The following NEB variants were observed in gnomAD, a reference collection of about 807,000 sequenced individuals.
The protein encoded by NEB is nemaline myopathy type 2.
A neutral mutation model predicts 952.2 loss-of-function variants in NEB; 512 were observed. The observed-to-expected ratio is 0.54, with a 90% confidence interval of 0.50 to 0.58. The LOEUF is 0.58. Ranked by LOEUF, NEB falls within the 20% of genes least tolerant of loss-of-function variation. The pLI is 0.00. For synonymous variants in NEB, 2,900 were observed against 3,149.8 expected (o/e 0.92, Z 2.66); for missense variants, 8,428 against 9,231.1 (o/e 0.91, Z 3.56).
chr2:151,531,658 G>A, intron 144 of NEB, 134 bp downstream of exon 144: 1 of 707,490 alleles, frequency 1.4e-6, no homozygotes, highest in East Asian at 2.7e-5. Flanking sequence ...GTGCATAACA[G>A]GACATCTCGC....
Position 151,733,172 on chromosome 2 carries a change from G to A in NEB, c.-16C>T. The A allele has an allele frequency of 6.2e-7, 1 of 1,601,374 alleles. No individual in the cohort carries two copies. Among genetic ancestry groups the A allele is most frequent in the South Asian group, 1.1e-5 (1 of 88,806 alleles). ...CATCTGCCATTTTTCCAGAGTAGTA[G>A]TGGCACCTACAAACTTTTCATATTC... On this transcript the variant is annotated 5_prime_UTR_variant, in exon 3 of 182. Transcript: ENST00000397345.
In NEB at chr2:151,722,234, G is replaced by A. The variant is rs555335217; in HGVS notation, c.717+1148C>T. Among the ~76,000 whole-genome samples the A allele has an allele frequency of 7.4e-4, 112 of 152,290 alleles. 1 individual carries two copies. Among genetic ancestry groups the A allele is most frequent in the African/African-American group, 2.6e-3 (110 of 41,560 alleles). On this transcript the variant is annotated intron_variant, in intron 9 of 181. Transcript: ENST00000397345. Reference sequence around the variant, plus strand: ...CAGTGCTCTGCTGAAGACTGGAGTAGCAGTCTGGATTTTCAATATGGCCTC... The same window carrying A: ...CAGTGCTCTGCTGAAGACTGGAGTAACAGTCTGGATTTTCAATATGGCCTC...
At chr2:151,511,789 C>G (rs1435364943) in intron 161 of NEB, among the ~76,000 whole-genome samples, 1 of 152,156 alleles carries the variant, frequency 6.6e-6, no homozygotes, top group African/African-American at 2.4e-5. Flanking sequence ...TGAGGGGAGT[C>G]AGGGGTTAGA....
chr2:151,573,420 G>A (rs1234124859), intron 107 of NEB, among the ~76,000 whole-genome samples: 1 of 152,144 alleles, frequency 6.6e-6, no homozygotes, highest in Non-Finnish European at 1.5e-5. Flanking sequence ...GATTGAGTGG[G>A]AAGAGGCGTC....
In NEB at chr2:151,643,319, C is replaced by T. The variant is rs753488581; in HGVS notation, c.7991G>A (p.Gly2664Asp). The T allele has an allele frequency of 6.2e-7, 1 of 1,613,806 alleles. No individual in the cohort carries two copies. The highest frequency in any genetic ancestry group is 8.5e-7 in the Non-Finnish European group (1 of 1,179,808). Residue 2664 changes from glycine (G) to aspartate (D), a missense_variant, in exon 58 of 182, where the codon GGC becomes GAC. This residue lies in a region of NEB where 1,772 missense variants were observed against 1,960.3 expected (regional missense o/e 0.90). Transcript: ENST00000397345. ...AGAACCACTAGTCATCCAGCCAATG[C>T]CTTTTAGCCACTGAAGGTCTGACTT... Reference protein sequence around the residue: ...LYKSDLQWLKGIGWMTSGSLE... With the variant: ...LYKSDLQWLKDIGWMTSGSLE...
In NEB at chr2:151,506,935, T is replaced by C; in HGVS notation, c.23530A>G (p.Lys7844Glu). 1 of 1,609,602 alleles carries C rather than the reference T, an allele frequency of 6.2e-7. No individual in the cohort carries two copies. The highest frequency in any genetic ancestry group is 8.5e-7 in the Non-Finnish European group (1 of 1,176,908). The part of the protein sequence containing the change: ...VQDTPEILRV[K>E]ENQKNFSSVL... ...GAGCTGAAATTCTTCTGATTTTCTT[T>C]TACACGCAGTATTTCTGGCGTGTCT... is the stretch of plus-strand genomic sequence containing the variant. Residue 7844 changes from lysine (K) to glutamate (E), a missense_variant, in exon 163 of 182, where the codon AAA becomes GAA. Transcript: ENST00000397345.
At position 151,639,945 on chromosome 2, in the gene NEB, C is replaced by T. The variant is rs200307392; in HGVS notation, c.8801G>A (p.Arg2934His). ...AAATTTGAATCTGTCTGGAGGCTGG[C>T]GATAGATTTTATCACTCAAAATTTC... The part of the protein sequence containing the change: ...ATEILSDKIY[R>H]QPPDRFKFTS... Residue 2934 changes from arginine (R) to histidine (H), a missense_variant, in exon 62 of 182, where the codon CGC becomes CAC. Around this residue, in one of 11 missense-constraint regions of NEB, gnomAD observed 1,772 missense variants for 1,960.3 expected, o/e 0.90. Transcript: ENST00000397345. 4.0e-4 allele frequency: 645 copies of T among 1,613,890 alleles called. 6 individuals are homozygous for T. Among genetic ancestry groups the T allele is most frequent in the Middle Eastern group, 1.6e-4 (1 of 6,062 alleles).
At chr2:151,679,184 A>G (rs1371377694) in intron 32 of NEB, among the ~76,000 whole-genome samples, 55 of 152,162 alleles carry the variant, frequency 3.6e-4, no homozygotes, top group Non-Finnish European at 2.9e-5. Context: ...AATTTTATTT[A>G]AATCTCAAAG....
Position 151,498,243 on chromosome 2 carries a change from C to T in NEB, c.24207+17G>A. ...CTGAAGTTAAGTGGCATTTTTTCCC[C>T]TTTCTTTCCAAAATACCGAGCTAAG... On this transcript the variant is annotated intron_variant, in intron 170 of 181. Transcript: ENST00000397345. The T allele has an allele frequency of 6.4e-7, 1 of 1,550,710 alleles. No homozygotes were observed. Among genetic ancestry groups the T allele is most frequent in the South Asian group, 1.2e-5 (1 of 84,020 alleles).
At chr2:151,677,394 GA>G (rs1375258953) in intron 34 of NEB, among the ~76,000 whole-genome samples, 170 bp downstream of exon 34, 1 of 151,848 alleles carries the variant, frequency 6.6e-6, no homozygotes, top group East Asian at 1.9e-4. Flanking sequence ...CAAGAGAGAA[GA>G]AAATGTTAGT....
chr2:151,503,298 T>C, intron 166 of NEB, 51 bp downstream of exon 166: 2 of 1,321,746 alleles, frequency 1.5e-6, no homozygotes, highest in Non-Finnish European at 1.1e-6. Flanking sequence ...TGGGTTATTG[T>C]GGTAAATTTT....
chr2:151,648,329 G>A (rs1379215077), intron 54 of NEB, among the ~76,000 whole-genome samples: 1 of 152,178 alleles, frequency 6.6e-6, no homozygotes, highest in African/African-American at 2.4e-5. Flanking sequence ...ATATAACCCA[G>A]AGAAGCCAAT....
rs2153744048 is a variant in NEB, at chr2:151,568,116, A to G, written c.17799T>C (p.Ala5933=). The G allele has an allele frequency of 6.2e-7, 1 of 1,613,790 alleles. No homozygotes were observed. Among genetic ancestry groups the G allele is most frequent in the Admixed American group, 1.7e-5 (1 of 59,998 alleles). ...AGTGATGGGCATGAACAAATGGCAC[A>G]GCATCTGGAGGCAAAATGTAACCTG... is the stretch of plus-strand genomic sequence containing the variant. ...KATGYILPPD[A]VPFVHAHHCN... Residue 5933 remains alanine (A), a synonymous_variant, in exon 113 of 182, where the codon GCT becomes GCC. Transcript: ENST00000397345.
chr2:151,514,983 T>C (rs1273044643), intron 157 of NEB, 55 bp from the exon 158 acceptor site: 1 of 1,101,088 alleles, frequency 9.1e-7, no homozygotes, highest in Non-Finnish European at 1.3e-6. Flanking sequence ...TTACAATATA[T>C]CTCTCCATCT....
intron 144 of NEB, among the ~76,000 whole-genome samples, chr2:151,531,473 C>T (rs2090927247): frequency 6.6e-6 from 1 of 152,028 alleles, no homozygotes; most frequent in African/African-American, 2.4e-5. Context: ...TGCACCACTG[C>T]ATCTGGCTAA....
chr2:151,615,976 A>G (rs2154001426), intron 76 of NEB, 26 bp downstream of exon 76: 1 of 1,531,790 alleles, frequency 6.5e-7, no homozygotes. Flanking sequence ...TGAATAAGAA[A>G]TGGCTTTTCC....
Position 151,563,722 on chromosome 2 carries a change from G to C in NEB, c.18580-3C>G. On this transcript the variant is annotated splice_region_variant and splice_polypyrimidine_tract_variant and intron_variant, in intron 118 of 181. Coordinates refer to ENST00000397345, the MANE Select transcript of NEB (RefSeq NM_001164508.2). ...TCATATGTCTCTTTGTATTTAAGCTGTAAAGTGGGTTAAACATTGAGAATC... is the reference window on the plus strand; with the variant it reads ...TCATATGTCTCTTTGTATTTAAGCTCTAAAGTGGGTTAAACATTGAGAATC... 1 of 1,612,108 alleles carries C rather than the reference G, an allele frequency of 6.2e-7. No homozygotes were observed. The highest frequency in any genetic ancestry group is 8.5e-7 in the Non-Finnish European group (1 of 1,178,204).
At chr2:151,527,695 C>T (rs548046655) in intron 146 of NEB, 110 bp from the exon 147 acceptor site, 1 of 743,438 alleles carries the variant, frequency 1.3e-6, no homozygotes. Context: ...AATCATGATT[C>T]CTAATGCAAG....
At chr2:151,507,916 C>T in intron 162 of NEB, 89 bp downstream of exon 162, 2 of 877,212 alleles carry the variant, frequency 2.3e-6, no homozygotes, top group Non-Finnish European at 3.7e-6. Flanking sequence ...TGCACAACAG[C>T]CCCACTGCAA....
Sources: allele counts gnomAD v4.1 joint callset (sites outside exome capture counted in the v4.1 genomes callset), GRCh38; gene constraint gnomAD v4.1.1; regional missense constraint gnomAD v4.1.1; transcripts MANE v1.5; gene names NCBI Gene and HGNC (gene_info 2026-07-23, HGNC 2026-07-21).